Variants in ILDR2 observed in about 807,000 individuals in gnomAD.
ILDR2 encodes the protein immunoglobulin like domain containing receptor 2.
A neutral mutation model predicts 66.8 loss-of-function variants in ILDR2; 25 were observed. The observed-to-expected ratio is 0.37, with a 90% CI of 0.27 to 0.52. The LOEUF (loss-of-function observed/expected upper bound fraction) is 0.52. Ranked by LOEUF, ILDR2 falls within the 20% of genes least tolerant of loss-of-function variation. The pLI is 0.88. For synonymous variants in ILDR2, 367 were observed against 357.2 expected (o/e 1.03, Z -0.31); for missense variants, 827 against 876.8 (o/e 0.94, Z 0.72).
intron 1 of ILDR2, among the ~76,000 whole-genome samples, chr1:166,969,711 C>T (rs1663168099): frequency 6.6e-6 from 1 of 152,220 alleles, no homozygotes; most frequent in Non-Finnish European, 1.5e-5. Flanking sequence ...TATCCAATGC[C>T]CCATAATAGA....
At chr1:166,923,139 C>T (rs977636571) in intron 7 of ILDR2, among the ~76,000 whole-genome samples, 1 of 152,200 alleles carries the variant, frequency 6.6e-6, no homozygotes, top group Admixed American at 6.5e-5. Flanking sequence ...CATCATCATC[C>T]TTGTTCAAAT....
chr1:166,972,980 C>A (rs1293193690), intron 1 of ILDR2, among the ~76,000 whole-genome samples: 1 of 152,182 alleles, frequency 6.6e-6, no homozygotes, highest in Non-Finnish European at 1.5e-5. Context: ...TCCCTCCCCT[C>A]CCCAGCCGCC....
In ILDR2 at chr1:166,916,010, C is replaced by G. The variant is rs1375117281; in HGVS notation, c.*3345G>C. The G allele has an allele frequency of 6.6e-6, 1 of 152,238 alleles. No homozygotes were observed. The highest frequency in any genetic ancestry group is 1.5e-5 in the Non-Finnish European group (1 of 68,074). 9.4% of individuals were successfully genotyped at this position (152,238 alleles called of 1,614,324 possible). Reference sequence around the variant, plus strand: ...ATGGAATAGCTGCCATGCACCAGGTCCATGGCCATTGTCTCCAACTTCCTA... The same window carrying G: ...ATGGAATAGCTGCCATGCACCAGGTGCATGGCCATTGTCTCCAACTTCCTA... On this transcript the variant is annotated 3_prime_UTR_variant, in exon 10 of 10. Transcript: ENST00000271417.
At chr1:166,945,249 G>A (rs1287191682) in intron 3 of ILDR2, among the ~76,000 whole-genome samples, 3 of 152,102 alleles carry the variant, frequency 2.0e-5, no homozygotes, top group Admixed American at 6.5e-5. Flanking sequence ...TATCTAAGGA[G>A]ACAAAAGCAC....
chr1:166,960,296 A>C (rs528688969), intron 1 of ILDR2, among the ~76,000 whole-genome samples: 18 of 152,334 alleles, frequency 1.2e-4, no homozygotes, highest in East Asian at 3.9e-4. Flanking sequence ...TAAATGAAGA[A>C]ATGTATGAGC....
At chr1:166,927,233 G>A in intron 6 of ILDR2, 53 bp from the exon 7 acceptor site, 2 of 1,130,284 alleles carry the variant, frequency 1.8e-6, no homozygotes, top group Non-Finnish European at 2.6e-6. Context: ...ATCAGGAGAA[G>A]GAGGCCTCCA....
chr1:166,933,555 A>C, intron 6 of ILDR2: 1 of 983,526 alleles, frequency 1.0e-6, no homozygotes, highest in Non-Finnish European at 1.2e-6. Flanking sequence ...GCAGAATGAG[A>C]CCAAAATGGT....
At chr1:166,969,836 T>C (rs1351517483) in intron 1 of ILDR2, among the ~76,000 whole-genome samples, 1 of 152,196 alleles carries the variant, frequency 6.6e-6, no homozygotes, top group African/African-American at 2.4e-5. Context: ...GGCAGTGACA[T>C]TATTTCTTAT....
At chr1:166,951,337 C>T (rs943026192) in intron 3 of ILDR2, among the ~76,000 whole-genome samples, 3 of 152,148 alleles carry the variant, frequency 2.0e-5, no homozygotes, top group Admixed American at 2.0e-4. Flanking sequence ...ACAGAGAGTG[C>T]AGAGCCAGGA....
At chr1:166,948,919 G>A (rs1364845006) in intron 3 of ILDR2, among the ~76,000 whole-genome samples, 5 of 152,150 alleles carry the variant, frequency 3.3e-5, no homozygotes, top group Admixed American at 2.6e-4. Flanking sequence ...TAGGTCTTCC[G>A]TGTAAATTTT....
In ILDR2 at chr1:166,909,802, T is replaced by TAA; in HGVS notation, c.*9552_*9553insTT. On this transcript the variant is annotated 3_prime_UTR_variant, in exon 10 of 10. Coordinates refer to ENST00000271417, the MANE Select transcript of ILDR2 (RefSeq NM_199351.3). ...ATATTTATATATATATATATATATA[T>TAA]ATATCCTTCTAGCTTTGCTCTACTG... 7.5e-6 allele frequency: 1 copy of TAA among 133,990 alleles called. No individual in the cohort carries two copies. Among genetic ancestry groups the TAA allele is most frequent in the Non-Finnish European group, 1.6e-5 (1 of 63,566 alleles). 8.3% of individuals were successfully genotyped at this position (133,990 alleles called of 1,614,324 possible). A position where few individuals can be genotyped will look rare whatever the true frequency, so the allele number is the denominator to read the frequency against.
chr1:166,899,730 T>C (rs1167871536), intron 2 of ILDR2, among the ~76,000 whole-genome samples: 2 of 152,226 alleles, frequency 1.3e-5, no homozygotes, highest in Non-Finnish European at 2.9e-5. Context: ...TCAAAATATG[T>C]ATATATTAGC....
At position 166,909,745 on chromosome 1, in the gene ILDR2, A is replaced by G. The variant is rs1188444389; in HGVS notation, c.*9610T>C. ...TGTGTGTGTATACATACATATATAT[A>G]TATATATATATATAAATATATATAA... is the stretch of plus-strand genomic sequence containing the variant. On this transcript the variant is annotated 3_prime_UTR_variant, in exon 10 of 10. Coordinates refer to ENST00000271417, the MANE Select transcript of ILDR2 (RefSeq NM_199351.3). 9.0e-6 allele frequency: 1 copy of G among 110,572 alleles called. No homozygotes were observed. The highest frequency in any genetic ancestry group is 2.6e-4 in the East Asian group (1 of 3,778). The allele number at this position is 110,572 out of a possible 1,614,324, so 6.8% of individuals were successfully genotyped here. A position where few individuals can be genotyped will look rare whatever the true frequency, so the allele number is the denominator to read the frequency against.
chr1:166,942,127 A>G (rs1333756328), intron 3 of ILDR2, among the ~76,000 whole-genome samples: 5 of 152,206 alleles, frequency 3.3e-5, no homozygotes, highest in Non-Finnish European at 7.3e-5. Flanking sequence ...AAGACCATCT[A>G]TCTTGGTTTG....
chr1:166,920,683 G>A (rs764533065), intron 9 of ILDR2, 24 bp downstream of exon 9: 2 of 1,365,284 alleles, frequency 1.5e-6, no homozygotes, highest in Admixed American at 7.3e-5. Flanking sequence ...CCCCTCGGAG[G>A]AGGGGAGGCA....
At chr1:166,960,344 T>A (rs761436225) in intron 1 of ILDR2, among the ~76,000 whole-genome samples, 2 of 152,196 alleles carry the variant, frequency 1.3e-5, no homozygotes, top group African/African-American at 2.4e-5. Context: ...TCTAGGACTT[T>A]GCAGATGAAA....
rs755371822 is a variant in ILDR2 at position 166,913,313 on chromosome 1, T to C, written c.*6042A>G. 1.3e-5 allele frequency: 2 copies of C among 152,166 alleles called. No individual in the cohort carries two copies. Among genetic ancestry groups the C allele is most frequent in the Non-Finnish European group, 2.9e-5 (2 of 68,032 alleles). 9.4% of individuals were successfully genotyped at this position (152,166 alleles called of 1,614,324 possible). On this transcript the variant is annotated 3_prime_UTR_variant, in exon 10 of 10. Transcript: ENST00000271417. ...CAACAGTAATACAAACATTTCAGTT[T>C]TGATGTCACAAGGCACAAAGACAAC...
intron 6 of ILDR2, among the ~76,000 whole-genome samples, chr1:166,932,975 T>G (rs555725660): frequency 1.8e-4 from 28 of 152,298 alleles, no homozygotes; most frequent in Admixed American, 4.6e-4. Context: ...ACACTATCAC[T>G]AACACTCCCC....
chr1:166,958,377 G>A (rs1662406111), intron 1 of ILDR2, among the ~76,000 whole-genome samples: 1 of 152,138 alleles, frequency 6.6e-6, no homozygotes, highest in Non-Finnish European at 1.5e-5. Flanking sequence ...TTTCCCCTGT[G>A]CTGTTCTCGT....
Sources: allele counts gnomAD v4.1 joint callset (sites outside exome capture counted in the v4.1 genomes callset), GRCh38; gene constraint gnomAD v4.1.1; transcripts MANE v1.5; gene names NCBI Gene and HGNC (gene_info 2026-07-23, HGNC 2026-07-21).